NDRG3: variants seen among roughly 807,000 people sequenced by gnomAD.
NDRG3 encodes the protein protein NDRG3.
Under a neutral mutation model 57.2 loss-of-function variants are expected in NDRG3, and 23 were observed. The observed-to-expected ratio is 0.40, with a 90% CI of 0.29 to 0.57. NDRG3 has a LOEUF of 0.57. Among genes scored for constraint, NDRG3 ranks in the 20% least tolerant of loss-of-function variants. NDRG3 has a pLI of 0.42. For missense variants in NDRG3, 384 were observed against 457.3 expected, an observed-to-expected ratio of 0.84 and a Z score of 1.46; for synonymous variants, 132 against 162.6, an observed-to-expected ratio of 0.81 and a Z score of 1.43.
intron 9 of NDRG3, among the ~76,000 whole-genome samples, chr20:36,667,672 G>C (rs564808054): frequency 6.6e-6 from 1 of 152,228 alleles, no homozygotes; most frequent in African/African-American, 2.4e-5. Flanking sequence ...TAAGCATAAA[G>C]AAATTGCATT....
In NDRG3 at chr20:36,688,580, G is replaced by A. The variant is rs1202433800; in HGVS notation, c.199+99C>T. On this transcript the variant is annotated intron_variant, in intron 4 of 15. Transcript: ENST00000349004. The stretch of plus-strand genomic sequence containing the variant: ...AAGGAGGGAAAGTTACCACAGAGAG[G>A]GGGAAACCTCTGCTCTATTAGAATA... 9.1e-6 allele frequency: 8 copies of A among 879,826 alleles called. No individual in the cohort carries two copies. The African/African-American group carries it at 1.3e-4, about 15-fold the overall frequency. The allele number at this position is 879,826 out of a possible 1,614,324, so 54.5% of individuals were successfully genotyped here.
chr20:36,729,389 T>A (rs563652350), intron 1 of NDRG3, among the ~76,000 whole-genome samples: 1 of 152,318 alleles, frequency 6.6e-6, no homozygotes, highest in Admixed American at 6.5e-5. Context: ...TCAAAATCTA[T>A]CACCTGGGAA....
At chr20:36,723,712 T>G (rs1308021666) in intron 1 of NDRG3, among the ~76,000 whole-genome samples, 5 of 127,390 alleles carry the variant, frequency 3.9e-5, no homozygotes, top group African/African-American at 8.6e-5. Flanking sequence ...GGTGTTTTTG[T>G]TTTTTTTTTT....
At chr20:36,718,598 A>C (rs578040542) in intron 2 of NDRG3, among the ~76,000 whole-genome samples, 1 of 152,222 alleles carries the variant, frequency 6.6e-6, no homozygotes, top group South Asian at 2.1e-4. Context: ...CTCATGATTA[A>C]TCTCTTCCTG....
chr20:36,670,815 A>C (rs1466217099), intron 9 of NDRG3, among the ~76,000 whole-genome samples: 1 of 152,158 alleles, frequency 6.6e-6, no homozygotes, highest in East Asian at 1.9e-4. Context: ...CACCCAACTC[A>C]CTTTTCCCTT....
chr20:36,670,392 C>A lies in NDRG3; in HGVS notation c.588+949G>T, dbSNP rs1600867710. On this transcript the variant is annotated intron_variant, in intron 9 of 15. Transcript: ENST00000349004. Reference sequence around the variant, plus strand: ...TAGGTGACAGATTCTTTGTAATAAGCCCTATAGAACTTCTCTACTCTAAAA... The same window carrying A: ...TAGGTGACAGATTCTTTGTAATAAGACCTATAGAACTTCTCTACTCTAAAA... Among the ~76,000 whole-genome samples, 4 of 151,996 alleles carry A rather than the reference C, an allele frequency of 2.6e-5. No homozygotes were observed. The South Asian group carries it at 8.3e-4, about 32-fold the overall frequency.
At chr20:36,703,476 G>A (rs1196703171) in intron 3 of NDRG3, among the ~76,000 whole-genome samples, 6 of 151,582 alleles carry the variant, frequency 4.0e-5, no homozygotes, top group Non-Finnish European at 7.4e-5. Context: ...GTGTGTGTGT[G>A]TAATATATAG....
intron 8 of NDRG3, among the ~76,000 whole-genome samples, chr20:36,671,814 A>C (rs1461746273): frequency 2.0e-5 from 3 of 152,042 alleles, no homozygotes; most frequent in African/African-American, 7.2e-5. Flanking sequence ...AAAAAAAAAA[A>C]AAAAACCCCA....
At chr20:36,668,468 T>C (rs1373491427) in intron 9 of NDRG3, 2 of 152,252 alleles carry the variant, frequency 1.3e-5, no homozygotes, top group African/African-American at 2.4e-5. Context: ...GCATTATTCA[T>C]GTTTAAAAAC....
intron 12 of NDRG3, among the ~76,000 whole-genome samples, chr20:36,663,136 T>C (rs1008047684): frequency 6.6e-6 from 1 of 152,202 alleles, no homozygotes; most frequent in African/African-American, 2.4e-5. Flanking sequence ...GTCACCACTA[T>C]AACCTTTTTA....
chr20:36,663,488 T>A (rs989753041), intron 12 of NDRG3, among the ~76,000 whole-genome samples: 1 of 152,232 alleles, frequency 6.6e-6, no homozygotes, highest in Non-Finnish European at 1.5e-5. Context: ...TAATTAGACA[T>A]ATGAAGAACT....
intron 5 of NDRG3, among the ~76,000 whole-genome samples, chr20:36,685,317 TTAA>T (rs1318727483): frequency 2.0e-5 from 3 of 151,126 alleles, no homozygotes; most frequent in Admixed American, 2.0e-4. Flanking sequence ...ATTATTATTA[TTAA>T]TTTTTTAAGA....
intron 2 of NDRG3, among the ~76,000 whole-genome samples, chr20:36,707,352 T>C (rs940296960): frequency 3.3e-5 from 5 of 152,098 alleles, no homozygotes; most frequent in Non-Finnish European, 5.9e-5. Flanking sequence ...GAAGCACACC[T>C]TGAACACACA....
rs757754635 is a variant in NDRG3, at chr20:36,736,970, A to G, written c.-49+9075T>C. 3.5e-4 allele frequency among the ~76,000 whole-genome samples: 53 copies of G among 152,092 alleles called. 1 individual carries two copies. Among genetic ancestry groups the G allele is most frequent in the Admixed American group, 5.9e-4 (9 of 15,264 alleles). On this transcript the variant is annotated intron_variant, in intron 1 of 15. Transcript: ENST00000349004. ...TAGATAAGGGCCATTCACACCCCTCATATTTTCCTGAAAGGAAAAGGGCAG... is the reference window on the plus strand; with the variant it reads ...TAGATAAGGGCCATTCACACCCCTCGTATTTTCCTGAAAGGAAAAGGGCAG...
intron 3 of NDRG3, 108 bp from the exon 4 acceptor site, chr20:36,688,892 C>T (rs1982022906): frequency 2.5e-6 from 2 of 789,728 alleles, no homozygotes; most frequent in Non-Finnish European, 4.4e-6. Context: ...TGGGGCAGGA[C>T]ACATTAATAA....
intron 8 of NDRG3, among the ~76,000 whole-genome samples, chr20:36,677,902 C>T (rs1980898328): frequency 6.6e-6 from 1 of 152,158 alleles, no homozygotes; most frequent in Non-Finnish European, 1.5e-5. Context: ...CCAGAGATCC[C>T]ATAACACAAG....
At chr20:36,702,784 G>T (rs962294658) in intron 3 of NDRG3, among the ~76,000 whole-genome samples, 1 of 151,880 alleles carries the variant, frequency 6.6e-6, no homozygotes, top group African/African-American at 2.4e-5. Flanking sequence ...CACCTCTCAG[G>T]TTCAAGCAAT....
chr20:36,723,332 C>CATGG lies in NDRG3; in HGVS notation c.-48-1553_-48-1550dup, dbSNP rs1189501200. Among the ~76,000 whole-genome samples, 40 of 152,200 alleles carry CATGG rather than the reference C, an allele frequency of 2.6e-4. 1 individual carries two copies. Among genetic ancestry groups the CATGG allele is most frequent in the Non-Finnish European group, 5.3e-4 (36 of 68,014 alleles). ...TCTTCTATCTCACCATGCAAGAAGC[C>CATGG]ATGGGGATAGGCTGCAAATACTCAA... is the stretch of plus-strand genomic sequence containing the variant. On this transcript the variant is annotated intron_variant, in intron 1 of 15. Transcript: ENST00000349004.
In NDRG3 at chr20:36,712,195, G is replaced by A. The variant is rs1355672164; in HGVS notation, c.58-5188C>T. Among the ~76,000 whole-genome samples, 3 of 151,608 alleles carry A rather than the reference G, an allele frequency of 2.0e-5. 1 individual carries two copies. Among genetic ancestry groups the A allele is most frequent in the Middle Eastern group, 6.3e-3 (2 of 316 alleles). On this transcript the variant is annotated intron_variant, in intron 2 of 15. Transcript: ENST00000349004. ...ATCACCCTGGAAAATGGGAATGACT[G>A]GGTCTATTTGACAGTAACTGGCTCC...
Sources: allele counts gnomAD v4.1 joint callset (sites outside exome capture counted in the v4.1 genomes callset), GRCh38; gene constraint gnomAD v4.1.1; transcripts MANE v1.5; gene names NCBI Gene and HGNC (gene_info 2026-07-23, HGNC 2026-07-21).